NOC2L: variants seen among roughly 807,000 people sequenced by gnomAD.
NOC2L encodes the protein nucleolar complex protein 2 homolog.
A neutral mutation model predicts 94.2 loss-of-function variants in NOC2L; 101 were observed. That is an observed-to-expected ratio of 1.07 (90% CI 0.91 to 1.26). The LOEUF is 1.26. Among genes scored for constraint, NOC2L ranks in the 50% most tolerant of loss-of-function variants. The probability of loss-of-function intolerance (pLI) is 0.00; values close to 1 mark genes in which losing one functional copy is unlikely to be tolerated. For missense variants in NOC2L, 1,076 were observed against 980.1 expected, an observed-to-expected ratio of 1.10 and a Z score of -1.31; for synonymous variants, 531 against 413.4, an observed-to-expected ratio of 1.28 and a Z score of -3.45.
chr1:958,977 C>G lies in NOC2L; in HGVS notation c.131G>C (p.Arg44Pro). ...CTTATCCGGACTCCGGGCAGCCTCG[C>G]GTGCTTCCCGTGTCTCCGCTTGTGG... is the stretch of plus-strand genomic sequence containing the variant. ...NSPQAETREA[R>P]EAARSPDKPG... The change falls in exon 2 of 19, where the codon CGC becomes CCC. Residue 44 changes from arginine to proline, a missense_variant. Arg to Pro is a moderately radical substitution (Grantham distance 103). Around this residue, in one of 3 missense-constraint regions of NOC2L, gnomAD observed 457 missense variants for 386.0 expected, o/e 1.18. Coordinates refer to ENST00000327044, the MANE Select transcript of NOC2L (RefSeq NM_015658.4). 1 of 1,612,770 alleles carries G rather than the reference C, an allele frequency of 6.2e-7. No homozygotes were observed. Among genetic ancestry groups the G allele is most frequent in the Non-Finnish European group, 8.5e-7 (1 of 1,179,976 alleles).
chr1:957,325 G>A (rs771719918), intron 2 of NOC2L, 52 bp from the exon 3 acceptor site: 15 of 1,573,072 alleles, frequency 9.5e-6, no homozygotes, highest in African/African-American at 4.1e-5. Flanking sequence ...TAGAGGGGGC[G>A]GGGAGTGGCC....
At chr1:958,582 C>G (rs1352020461) in intron 2 of NOC2L, 2 of 489,714 alleles carry the variant, frequency 4.1e-6, no homozygotes, top group Admixed American at 4.7e-5. Flanking sequence ...CTCGGCTCCC[C>G]TGCAACTCTC....
At chr1:949,412 A>G (rs575232208) in intron 12 of NOC2L, among the ~76,000 whole-genome samples, 1 of 152,328 alleles carries the variant, frequency 6.6e-6, no homozygotes. Flanking sequence ...CTGGGAGGAC[A>G]CTGCCCTTCT....
chr1:955,675 A>G (rs1244545724), intron 6 of NOC2L, among the ~76,000 whole-genome samples: 1 of 152,220 alleles, frequency 6.6e-6, no homozygotes, highest in Non-Finnish European at 1.5e-5. Flanking sequence ...TGCACACGCC[A>G]CACCTTCTGA....
intron 6 of NOC2L, 40 bp from the exon 7 acceptor site, chr1:954,122 G>A (rs763959889): frequency 5.0e-6 from 8 of 1,596,722 alleles, no homozygotes; most frequent in African/African-American, 1.3e-5. Flanking sequence ...GAGGCCCCAC[G>A]GCTCGGACGC....
chr1:944,880 A>G (rs1025355952), intron 18 of NOC2L, 80 bp from the exon 19 acceptor site: 28 of 1,307,894 alleles, frequency 2.1e-5, no homozygotes, highest in Non-Finnish European at 3.0e-5. Flanking sequence ...TCACTAATTA[A>G]TCACGGCACT....
intron 4 of NOC2L, among the ~76,000 whole-genome samples, chr1:956,527 C>G (rs1480944164): frequency 6.6e-6 from 1 of 152,140 alleles, no homozygotes; most frequent in African/African-American, 2.4e-5. Context: ...CTGTGAGAGG[C>G]TCAGAAGGAC....
intron 6 of NOC2L, chr1:954,664 C>T (rs1642353733): frequency 6.6e-6 from 1 of 152,512 alleles, no homozygotes; most frequent in East Asian, 1.9e-4. Context: ...GAGACCCCGT[C>T]TCTACAAAAA....
intron 17 of NOC2L, 69 bp from the exon 18 acceptor site, chr1:945,215 G>T (rs1367061238): frequency 6.6e-7 from 1 of 1,525,294 alleles, no homozygotes; most frequent in African/African-American, 1.4e-5. Flanking sequence ...CACAGTGGGG[G>T]CAGGAGGGTG....
In NOC2L at chr1:959,224, C is replaced by A. The variant is rs199568295; in HGVS notation, c.17G>T (p.Ser6Ile). Residue 6 changes from serine to isoleucine, a missense_variant, in exon 1 of 19, where the codon AGC becomes ATC. Around this residue, in one of 3 missense-constraint regions of NOC2L, gnomAD observed 457 missense variants for 386.0 expected, o/e 1.18. Transcript: ENST00000327044. ...CGGACCCGCGGCTTACCTCTTGCGG[C>A]TCCCCGCAGCTGCCATGACACCAAC... MAAAG[S>I]RKRRLAELTV... The A allele has an allele frequency of 6.2e-6, 10 of 1,607,108 alleles. No individual in the cohort carries two copies. Among genetic ancestry groups the A allele is most frequent in the South Asian group, 1.1e-5 (1 of 90,566 alleles).
At chr1:949,045 C>CG (rs1483935136) in intron 12 of NOC2L, among the ~76,000 whole-genome samples, 10 of 22,422 alleles carry the variant, frequency 4.5e-4, no homozygotes, top group African/African-American at 7.4e-4. Context: ...GACGCAGCAG[C>CG]AACAGCAAAG....
At chr1:954,538 GA>G (rs2100393023) in intron 6 of NOC2L, 2 of 160,300 alleles carry the variant, frequency 1.2e-5, no homozygotes, top group Admixed American at 1.3e-4. Context: ...ACAAAGAAAA[GA>G]AAATCAGAGG....
At chr1:952,314 CAG>C (rs1642281810) in intron 10 of NOC2L, 96 bp downstream of exon 10, 7 of 1,488,366 alleles carry the variant, frequency 4.7e-6, no homozygotes, top group Non-Finnish European at 4.6e-6. Flanking sequence ...TGTCTCCAGA[CAG>C]GGGCTTCGGG....
Position 948,203 on chromosome 1 carries a change from G to T in NOC2L, c.1587C>A (p.Leu529=), listed in dbSNP as rs761848022. 53 of 1,588,242 alleles carry T rather than the reference G, an allele frequency of 3.3e-5. No individual in the cohort carries two copies. Among genetic ancestry groups the T allele is most frequent in the Non-Finnish European group, 4.5e-5 (52 of 1,167,766 alleles). The part of the protein sequence containing the change: ...RDGLVEQLYD[L]TLEYLHSQAH... ...CCTGGCTGTGCAGGTACTCCAGGGTGAGGTCGTACAGCTGCTCCACCAGGC... is the reference window on the plus strand; with the variant it reads ...CCTGGCTGTGCAGGTACTCCAGGGTTAGGTCGTACAGCTGCTCCACCAGGC... Residue 529 remains leucine (L), a synonymous_variant, in exon 14 of 19, where the codon CTC becomes CTA. Coordinates refer to ENST00000327044, the MANE Select transcript of NOC2L (RefSeq NM_015658.4).
At chr1:945,384 T>C (rs1034264118) in intron 17 of NOC2L, 134 bp downstream of exon 17, 2 of 1,151,236 alleles carry the variant, frequency 1.7e-6, no homozygotes, top group Non-Finnish European at 2.4e-6. Flanking sequence ...CTGGCAACAC[T>C]GAGGTTGGCC....
At chr1:952,295 G>A (rs1642281529) in intron 10 of NOC2L, 117 bp downstream of exon 10, 1 of 1,425,416 alleles carries the variant, frequency 7.0e-7, no homozygotes, top group Admixed American at 1.9e-5. Flanking sequence ...CTGCACCAGG[G>A]TGCTGGGCTG....
chr1:946,616 C>A, intron 14 of NOC2L, 71 bp from the exon 15 acceptor site: 1 of 1,560,410 alleles, frequency 6.4e-7, no homozygotes, highest in South Asian at 1.2e-5. Flanking sequence ...AGGTCCTGTG[C>A]AAAACCACGC....
chr1:957,425 A>C (rs1448946710), intron 2 of NOC2L, 152 bp from the exon 3 acceptor site: 1 of 674,954 alleles, frequency 1.5e-6, no homozygotes, highest in African/African-American at 1.8e-5. Context: ...CACGTCTCCT[A>C]CCCAACAACC....
At position 944,909 on chromosome 1, in the gene NOC2L, G is replaced by A. The variant is rs550688619; in HGVS notation, c.2144-109C>T. 8.6e-6 allele frequency: 12 copies of A among 1,395,376 alleles called. No homozygotes were observed. The South Asian group carries it at 1.5e-4, about 18-fold the overall frequency. The allele number at this position is 1,395,376 out of a possible 1,614,324, so 86.4% of individuals were successfully genotyped here. On this transcript the variant is annotated intron_variant, in intron 18 of 18. Transcript: ENST00000327044. ...CGGCACTAATTAATTTATCCCTGTT[G>A]CTGGCTGCCAGAGAACAGAGCATTT... is the stretch of plus-strand genomic sequence containing the variant.
Sources: allele counts gnomAD v4.1 joint callset (sites outside exome capture counted in the v4.1 genomes callset), GRCh38; gene constraint gnomAD v4.1.1; regional missense constraint gnomAD v4.1.1; transcripts MANE v1.5; gene names NCBI Gene and HGNC (gene_info 2026-07-23, HGNC 2026-07-21).